GPR158: variants seen among roughly 807,000 people sequenced by gnomAD.
GPR158 encodes metabotropic glycine receptor.
A neutral mutation model predicts 78.2 loss-of-function variants in GPR158; 30 were observed. The observed-to-expected ratio is 0.38, with a 90% CI of 0.29 to 0.52. The LOEUF is 0.52. Ranked by LOEUF, GPR158 falls within the 20% of genes least tolerant of loss-of-function variation. GPR158 has a pLI of 0.83. For missense variants in GPR158, 1,463 were observed against 1,523.5 expected (o/e 0.96, Z 0.66); for synonymous variants, 581 against 591.1 (o/e 0.98, Z 0.25).
chr10:25,302,912 C>T (rs886375280), intron 2 of GPR158, among the ~76,000 whole-genome samples: 10 of 152,120 alleles, frequency 6.6e-5, no homozygotes, highest in Admixed American at 2.0e-4. Flanking sequence ...ATGATACCAA[C>T]GTAGGTTCTG....
intron 1 of GPR158, among the ~76,000 whole-genome samples, chr10:25,195,547 A>C (rs1852832529): frequency 6.6e-6 from 1 of 152,130 alleles, no homozygotes; most frequent in Non-Finnish European, 1.5e-5. Context: ...GTTAAAGAAA[A>C]TTCATATTTT....
intron 2 of GPR158, among the ~76,000 whole-genome samples, chr10:25,280,113 A>G (rs1854247487): frequency 6.6e-6 from 1 of 152,188 alleles, no homozygotes; most frequent in African/African-American, 2.4e-5. Context: ...GATGGTAGAA[A>G]TGGAACAAAA....
intron 2 of GPR158, among the ~76,000 whole-genome samples, chr10:25,355,828 C>A (rs1429458751): frequency 6.6e-6 from 1 of 151,972 alleles, no homozygotes. Flanking sequence ...GAAAGGCTGG[C>A]TATGGGTTTG....
chr10:25,187,541 A>G (rs1176366048), intron 1 of GPR158, among the ~76,000 whole-genome samples: 1 of 152,226 alleles, frequency 6.6e-6, no homozygotes, highest in Non-Finnish European at 1.5e-5. Flanking sequence ...CCACATGATT[A>G]TCTCAATAGA....
At chr10:25,287,236 TCTTTC>T (rs1191853443) in intron 2 of GPR158, among the ~76,000 whole-genome samples, 1 of 152,088 alleles carries the variant, frequency 6.6e-6, no homozygotes, top group African/African-American at 2.4e-5. Flanking sequence ...TAGGGAGTTT[TCTTTC>T]CTTTTCTTTT....
chr10:25,266,344 C>CAGTA (rs774560494), intron 2 of GPR158, among the ~76,000 whole-genome samples: 11 of 152,074 alleles, frequency 7.2e-5, no homozygotes, highest in Non-Finnish European at 1.6e-4. Context: ...AGGACATAAC[C>CAGTA]AGTACATAGA....
At chr10:25,230,534 A>G (rs1220561137) in intron 2 of GPR158, among the ~76,000 whole-genome samples, 1 of 151,996 alleles carries the variant, frequency 6.6e-6, no homozygotes, top group Admixed American at 6.5e-5. Context: ...TTACTTTTTG[A>G]AGAATCAAAG....
chr10:25,448,934 TA>T (rs760739793), intron 4 of GPR158, among the ~76,000 whole-genome samples: 5 of 152,152 alleles, frequency 3.3e-5, no homozygotes, highest in African/African-American at 4.8e-5. Context: ...AGTAATAATG[TA>T]AAAAACACCT....
At chr10:25,314,862 C>CATATATATATATATATATAT (rs67847605) in intron 2 of GPR158, among the ~76,000 whole-genome samples, 8 of 111,344 alleles carry the variant, frequency 7.2e-5, no homozygotes, top group South Asian at 2.9e-4. Context: ...CACACACTGT[C>CATATATATATATATATATAT]ATATATATAT....
intron 2 of GPR158, among the ~76,000 whole-genome samples, chr10:25,375,747 T>C (rs907527411): frequency 6.6e-6 from 1 of 151,658 alleles, no homozygotes; most frequent in Non-Finnish European, 1.5e-5. Flanking sequence ...ATTGAATCTT[T>C]TGCCTATTCC....
intron 7 of GPR158, among the ~76,000 whole-genome samples, chr10:25,575,752 C>G (rs12268257): frequency 6.6e-6 from 1 of 151,842 alleles, no homozygotes; most frequent in Non-Finnish European, 1.5e-5. Flanking sequence ...TTCATACCTC[C>G]AAACTCTCCA....
At chr10:25,390,637 C>A (rs1240037368) in intron 2 of GPR158, among the ~76,000 whole-genome samples, 1 of 152,118 alleles carries the variant, frequency 6.6e-6, no homozygotes, top group Non-Finnish European at 1.5e-5. Flanking sequence ...TTTATTCATT[C>A]ACAAAGATAT....
At chr10:25,355,247 C>T (rs940640152) in intron 2 of GPR158, among the ~76,000 whole-genome samples, 2 of 146,340 alleles carry the variant, frequency 1.4e-5, no homozygotes, top group Non-Finnish European at 3.0e-5. Flanking sequence ...TCTTTATTTT[C>T]AAACAGCCTG....
chr10:25,191,468 G>T (rs1448947810), intron 1 of GPR158, among the ~76,000 whole-genome samples: 2 of 152,204 alleles, frequency 1.3e-5, no homozygotes, highest in Non-Finnish European at 2.9e-5. Context: ...GCCCTGCCTA[G>T]ACCTTGTGAA....
chr10:25,594,808 A>T (rs1837380268), intron 9 of GPR158, among the ~76,000 whole-genome samples: 1 of 152,190 alleles, frequency 6.6e-6, no homozygotes, highest in African/African-American at 2.4e-5. Context: ...AAATTATTAC[A>T]TATAGAGGAA....
intron 5 of GPR158, 24 bp from the exon 6 acceptor site, chr10:25,550,952 T>C: frequency 3.3e-6 from 4 of 1,195,156 alleles, no homozygotes; most frequent in Non-Finnish European, 5.0e-6. Context: ...ATCCTGAAGG[T>C]CTCTTTCTGT....
chr10:25,225,141 A>C (rs1289112558), intron 2 of GPR158, among the ~76,000 whole-genome samples: 1 of 149,620 alleles, frequency 6.7e-6, no homozygotes, highest in Non-Finnish European at 1.5e-5. Flanking sequence ...ATAACCAACC[A>C]CTTGCCATCC....
intron 7 of GPR158, among the ~76,000 whole-genome samples, chr10:25,573,591 C>A (rs1214949039): frequency 1.3e-5 from 2 of 152,158 alleles, no homozygotes; most frequent in Non-Finnish European, 2.9e-5. Flanking sequence ...TTCTGTTGCT[C>A]ATATTAGTCT....
chr10:25,489,238 C>G (rs1274227345), intron 5 of GPR158, among the ~76,000 whole-genome samples: 1 of 152,106 alleles, frequency 6.6e-6, no homozygotes, highest in Non-Finnish European at 1.5e-5. Flanking sequence ...GCAAGAGTTG[C>G]TAAAGAAGTT....
Sources: allele counts gnomAD v4.1 joint callset (sites outside exome capture counted in the v4.1 genomes callset), GRCh38; gene constraint gnomAD v4.1.1; transcripts MANE v1.5; gene names NCBI Gene and HGNC (gene_info 2026-07-23, HGNC 2026-07-21).